The following KDM4C variants were observed in gnomAD, a reference collection of about 807,000 sequenced individuals.
KDM4C encodes lysine-specific demethylase 4C.
KDM4C carries 81 observed loss-of-function variants against 129.3 expected under a neutral mutation model. The observed-to-expected ratio is 0.63, with a 90% CI of 0.52 to 0.75. The LOEUF (loss-of-function observed/expected upper bound fraction) is 0.75. KDM4C is among the 30% of genes least tolerant of loss of function. The pLI, the probability that KDM4C is intolerant of heterozygous loss-of-function variation, is 0.00. For missense variants in KDM4C, 1,457 were observed against 1,304.0 expected, an observed-to-expected ratio of 1.12 and a Z score of -1.81; for synonymous variants, 573 against 456.1, an observed-to-expected ratio of 1.26 and a Z score of -3.26.
chr9:6,888,191 T>C (rs1001429140), intron 7 of KDM4C, 128 bp downstream of exon 7: 1 of 436,478 alleles, frequency 2.3e-6, no homozygotes, highest in African/African-American at 2.1e-5. Flanking sequence ...TTATGTTTTA[T>C]AGCATATCAA....
chr9:7,162,298 AAG>A (rs1372700612), intron 19 of KDM4C, among the ~76,000 whole-genome samples: 3 of 152,198 alleles, frequency 2.0e-5, no homozygotes, highest in Non-Finnish European at 4.4e-5. Context: ...TTTGGCATGA[AAG>A]ATTATGAATT....
At chr9:6,823,202 C>G (rs1325822220) in intron 4 of KDM4C, among the ~76,000 whole-genome samples, 1 of 152,188 alleles carries the variant, frequency 6.6e-6, no homozygotes, top group Non-Finnish European at 1.5e-5. Flanking sequence ...CATAGCTCCT[C>G]CTCTCATCCT....
At chr9:7,076,491 C>A in intron 17 of KDM4C, 1 of 1,549,782 alleles carries the variant, frequency 6.5e-7, no homozygotes, top group Non-Finnish European at 8.7e-7. Flanking sequence ...ACAATGAAGG[C>A]TCACTGTGAA....
At chr9:6,862,627 A>G (rs1563715202) in intron 5 of KDM4C, among the ~76,000 whole-genome samples, 1 of 152,046 alleles carries the variant, frequency 6.6e-6, no homozygotes, top group Non-Finnish European at 1.5e-5. Context: ...ACATGGTGAA[A>G]CCCCATCTCT....
intron 1 of KDM4C, among the ~76,000 whole-genome samples, chr9:6,777,726 C>T (rs1823392095): frequency 6.6e-6 from 1 of 151,604 alleles, no homozygotes; most frequent in African/African-American, 2.4e-5. Context: ...CCACCTGCTT[C>T]CACCATGTTT....
At chr9:6,759,018 C>G (rs953231574) in intron 1 of KDM4C, among the ~76,000 whole-genome samples, 12 of 146,626 alleles carry the variant, frequency 8.2e-5, no homozygotes, top group Admixed American at 7.6e-4. Context: ...CGGTGCAAGC[C>G]TGCGCTGGCT....
At chr9:7,103,100 G>C (rs1837287644) in intron 17 of KDM4C, among the ~76,000 whole-genome samples, 1 of 152,138 alleles carries the variant, frequency 6.6e-6, no homozygotes, top group African/African-American at 2.4e-5. Context: ...CACTTTGGGA[G>C]GCATATTTTT....
chr9:7,091,539 G>C (rs1310263972), intron 17 of KDM4C, among the ~76,000 whole-genome samples: 1 of 152,106 alleles, frequency 6.6e-6, no homozygotes, highest in Non-Finnish European at 1.5e-5. Context: ...ATCTTTTGTT[G>C]AGAGTTAGAC....
chr9:6,968,567 A>G (rs1831406916), intron 8 of KDM4C, among the ~76,000 whole-genome samples: 1 of 152,236 alleles, frequency 6.6e-6, no homozygotes, highest in Non-Finnish European at 1.5e-5. Flanking sequence ...TTCATAAAGA[A>G]TGTAAAAGAA....
At chr9:6,998,570 C>T (rs1025957667) in intron 12 of KDM4C, among the ~76,000 whole-genome samples, 5 of 152,056 alleles carry the variant, frequency 3.3e-5, no homozygotes, top group African/African-American at 1.2e-4. Flanking sequence ...CCGAGGCAGG[C>T]GGATCACCTG....
chr9:6,999,310 G>A (rs1254667922), intron 12 of KDM4C, among the ~76,000 whole-genome samples: 1 of 151,342 alleles, frequency 6.6e-6, no homozygotes, highest in Non-Finnish European at 1.5e-5. Flanking sequence ...ATATAATGAT[G>A]ATGTCTTTTT....
At chr9:6,947,571 A>G (rs540728258) in intron 8 of KDM4C, among the ~76,000 whole-genome samples, 2 of 151,812 alleles carry the variant, frequency 1.3e-5, no homozygotes, top group Middle Eastern at 6.8e-3. Context: ...AAATTTTATA[A>G]TTTTTTTGTA....
chr9:6,758,763 A>G lies in KDM4C; in HGVS notation c.-18+560A>G, dbSNP rs879404439. On this transcript the variant is annotated intron_variant, in intron 1 of 21. Coordinates refer to ENST00000381309, the MANE Select transcript of KDM4C (RefSeq NM_015061.6). This position sits in a 1 kb window ranked among gnomAD's most constrained non-coding sequence, Gnocchi z 4.6. ...CCGGCATGGGGCCATTTCTTCCTGC[A>G]GTGCCTGGAGGAACCATGATGCGGT... 3.3e-5 allele frequency among the ~76,000 whole-genome samples: 5 copies of G among 152,210 alleles called. No homozygotes were observed. The highest frequency in any genetic ancestry group is 4.4e-5 in the Non-Finnish European group (3 of 68,028).
chr9:7,087,145 G>A (rs1430934646), intron 17 of KDM4C, among the ~76,000 whole-genome samples: 2 of 149,204 alleles, frequency 1.3e-5, no homozygotes, highest in Non-Finnish European at 3.0e-5. Flanking sequence ...GATGTCAGCT[G>A]ATACACAGTG....
At chr9:6,742,607 C>G (rs1440073595) in intron 1 of KDM4C, among the ~76,000 whole-genome samples, 1 of 143,366 alleles carries the variant, frequency 7.0e-6, no homozygotes, top group Non-Finnish European at 1.5e-5. Context: ...TTCTGGAACT[C>G]TGATGTCATG....
chr9:6,775,711 G>A (rs1233853902), intron 1 of KDM4C, among the ~76,000 whole-genome samples: 3 of 151,750 alleles, frequency 2.0e-5, no homozygotes, highest in Admixed American at 6.6e-5. Flanking sequence ...TAGTAGAGAC[G>A]GGGTTTCTCC....
intron 5 of KDM4C, among the ~76,000 whole-genome samples, chr9:6,854,575 C>G (rs1588708821): frequency 6.8e-6 from 1 of 146,586 alleles, no homozygotes; most frequent in Non-Finnish European, 1.5e-5. Context: ...CAAATTTACT[C>G]TGTAGAGAAC....
intron 8 of KDM4C, among the ~76,000 whole-genome samples, chr9:6,924,588 C>T (rs1322485812): frequency 6.6e-6 from 1 of 152,104 alleles, no homozygotes; most frequent in Non-Finnish European, 1.5e-5. Flanking sequence ...TCTGTCTATC[C>T]TCTGGTTTTT....
intron 1 of KDM4C, chr9:6,727,035 C>T (rs986653107): frequency 2.0e-5 from 3 of 152,092 alleles, no homozygotes; most frequent in South Asian, 2.1e-4. Context: ...GCATCTGGCC[C>T]GATTCTTTAT....
Sources: allele counts gnomAD v4.1 joint callset (sites outside exome capture counted in the v4.1 genomes callset), GRCh38; gene constraint gnomAD v4.1.1; non-coding constraint Gnocchi (gnomAD v3.1); transcripts MANE v1.5; gene names NCBI Gene and HGNC (gene_info 2026-07-23, HGNC 2026-07-21).